The following PTER variants were observed in gnomAD, a reference collection of about 807,000 sequenced individuals.
PTER encodes the protein phosphotriesterase related, also known as N-acetyltaurine hydrolase.
In PTER, 38 loss-of-function variants were observed where a neutral mutation model predicts 29.6. That is an observed-to-expected ratio of 1.28 (90% CI 0.99 to 1.68). The LOEUF is 1.68. PTER is among the 40% of genes most tolerant of loss of function. The probability of loss-of-function intolerance (pLI) is 0.00; values close to 1 mark genes in which losing one functional copy is unlikely to be tolerated. For synonymous variants in PTER, 172 were observed against 154.5 expected (o/e 1.11, Z -0.84); for missense variants, 482 against 427.8 (o/e 1.13, Z -1.12).
At chr10:16,479,892 T>C (rs551057993) in intron 1 of PTER, among the ~76,000 whole-genome samples, 27 of 151,784 alleles carry the variant, frequency 1.8e-4, no homozygotes, top group Admixed American at 1.2e-3. Flanking sequence ...CAAAAAACCC[T>C]GAGATGCCTT....
At chr10:16,463,978 C>T (rs766555490) in intron 1 of PTER, among the ~76,000 whole-genome samples, 6 of 152,080 alleles carry the variant, frequency 3.9e-5, no homozygotes, top group African/African-American at 7.2e-5. Context: ...AAAGTACATC[C>T]GACGGTCCGG....
chr10:16,447,705 C>T (rs556079977), intron 1 of PTER, among the ~76,000 whole-genome samples: 1 of 152,108 alleles, frequency 6.6e-6, no homozygotes, highest in Non-Finnish European at 1.5e-5. Context: ...ATATTCTTTA[C>T]ACCATACATC....
intron 2 of PTER, among the ~76,000 whole-genome samples, chr10:16,485,566 C>G (rs1296580136): frequency 6.6e-6 from 1 of 152,154 alleles, no homozygotes; most frequent in African/African-American, 2.4e-5. Flanking sequence ...CACTTACTCT[C>G]TGGAGTATTT....
In PTER at chr10:16,466,399, A is replaced by G. The variant is rs144564868; in HGVS notation, c.-48-17938A>G. On this transcript the variant is annotated intron_variant, in intron 1 of 4. Transcript: ENST00000535784. Reference sequence around the variant, plus strand: ...GAGACAGAATTTTGCCCTGTCACCCAGGTTGCAGTGCAGTGGCACCATCTC... The same window carrying G: ...GAGACAGAATTTTGCCCTGTCACCCGGGTTGCAGTGCAGTGGCACCATCTC... Among the ~76,000 whole-genome samples, 1,274 of 152,136 alleles carry G rather than the reference A, an allele frequency of 8.4e-3. 21 individuals carry two copies. Among genetic ancestry groups the G allele is most frequent in the African/African-American group, 0.029 (1,216 of 41,490 alleles).
downstream of PTER, among the ~76,000 whole-genome samples, chr10:16,515,772 AG>A (rs1262239251): frequency 6.6e-6 from 1 of 152,190 alleles, no homozygotes; most frequent in African/African-American, 2.4e-5. Context: ...GATTTATTTC[AG>A]TAAAACATCT....
chr10:16,476,717 G>A (rs1350972798), intron 1 of PTER, among the ~76,000 whole-genome samples: 1 of 150,706 alleles, frequency 6.6e-6, no homozygotes, highest in Non-Finnish European at 1.5e-5. Context: ...GACCACAGGA[G>A]TGCCCCACCA....
At chr10:16,437,364 G>T (rs1307652059) in intron 1 of PTER, 2 of 148,112 alleles carry the variant, frequency 1.4e-5, no homozygotes, top group African/African-American at 2.5e-5. Flanking sequence ...TAGATTCAGG[G>T]TCTGGCTCTG....
intron 1 of PTER, among the ~76,000 whole-genome samples, chr10:16,483,225 A>T (rs1044562963): frequency 2.0e-5 from 3 of 152,242 alleles, no homozygotes; most frequent in Non-Finnish European, 4.4e-5. Context: ...GAGGATAGAG[A>T]GGGCTTTGCT....
At chr10:16,518,478 A>T (rs141540968), downstream of PTER, among the ~76,000 whole-genome samples, 7 of 152,240 alleles carry the variant, frequency 4.6e-5, no homozygotes, top group Admixed American at 1.3e-4. Context: ...TGTGTGTGCT[A>T]GTGTGATACA....
At chr10:16,441,549 T>G (rs1309842338) in intron 1 of PTER, among the ~76,000 whole-genome samples, 1 of 152,228 alleles carries the variant, frequency 6.6e-6, no homozygotes, top group East Asian at 1.9e-4. Flanking sequence ...CATTGTGCTT[T>G]GGACAGAGCT....
downstream of PTER, among the ~76,000 whole-genome samples, chr10:16,515,322 T>C (rs1476927270): frequency 6.6e-6 from 1 of 152,176 alleles, no homozygotes; most frequent in Non-Finnish European, 1.5e-5. Flanking sequence ...CTTAGCTCAT[T>C]TATACATCTT....
At chr10:16,475,069 C>A (rs745858393) in intron 1 of PTER, among the ~76,000 whole-genome samples, 50 of 152,208 alleles carry the variant, frequency 3.3e-4, no homozygotes, top group Non-Finnish European at 5.0e-4. Context: ...TATAAAGGGA[C>A]TAATTCCATT....
At chr10:16,470,930 C>G (rs79813950) in intron 1 of PTER, among the ~76,000 whole-genome samples, 3,657 of 151,896 alleles carry the variant, frequency 0.024, 149 homozygotes, top group African/African-American at 0.083. Context: ...TGATTAAGAA[C>G]TTCCCTTCAC....
intron 1 of PTER, among the ~76,000 whole-genome samples, chr10:16,455,992 G>A (rs1427750107): frequency 1.3e-5 from 2 of 152,062 alleles, no homozygotes; most frequent in African/African-American, 4.8e-5. Flanking sequence ...AGTTCTCCCA[G>A]GCCAACAGAA....
chr10:16,442,179 A>T (rs1196317067), intron 1 of PTER, among the ~76,000 whole-genome samples: 1 of 152,270 alleles, frequency 6.6e-6, no homozygotes, highest in Non-Finnish European at 1.5e-5. Flanking sequence ...GTACCCACAA[A>T]ATTTCTTTCC....
intron 1 of PTER, among the ~76,000 whole-genome samples, chr10:16,460,595 A>G (rs1328689703): frequency 1.3e-5 from 2 of 152,202 alleles, no homozygotes; most frequent in Admixed American, 6.5e-5. Flanking sequence ...TCAATTTAAA[A>G]CCAGTCCTTA....
At chr10:16,515,094 T>C (rs2133536474), downstream of PTER, among the ~76,000 whole-genome samples, 1 of 152,272 alleles carries the variant, frequency 6.6e-6, no homozygotes, top group East Asian at 1.9e-4. Context: ...GATAGCAATA[T>C]TCTAATCAGC....
intron 1 of PTER, among the ~76,000 whole-genome samples, chr10:16,438,096 C>T (rs907082853): frequency 2.0e-4 from 31 of 152,210 alleles, no homozygotes; most frequent in Middle Eastern, 3.4e-3. Context: ...ACCTCCGCCT[C>T]CCGGGATCAA....
At chr10:16,468,829 A>G (rs754132741) in intron 1 of PTER, among the ~76,000 whole-genome samples, 1 of 152,024 alleles carries the variant, frequency 6.6e-6, no homozygotes, top group Non-Finnish European at 1.5e-5. Flanking sequence ...AAAAAAAATA[A>G]TTGGGTGTGG....
Sources: allele counts gnomAD v4.1 joint callset (sites outside exome capture counted in the v4.1 genomes callset), GRCh38; gene constraint gnomAD v4.1.1; transcripts MANE v1.5; gene names NCBI Gene and HGNC (gene_info 2026-07-23, HGNC 2026-07-21).